Variants in ANKFN1 observed in about 807,000 individuals in gnomAD.
The protein encoded by ANKFN1 is ankyrin repeat and fibronectin type-III domain-containing protein 1.
In ANKFN1, 74 loss-of-function variants were observed where a neutral mutation model predicts 108.7. The ratio of observed to expected loss-of-function variants is 0.68; its 90% confidence interval spans 0.56 to 0.83. The LOEUF is 0.83. Among genes scored for constraint, ANKFN1 ranks in the 40% least tolerant of loss-of-function variants. The probability of loss-of-function intolerance (pLI) is 0.00; values close to 1 mark genes in which losing one functional copy is unlikely to be tolerated. For synonymous variants in ANKFN1, 547 were observed against 516.2 expected (o/e 1.06, Z -0.81); for missense variants, 1,505 against 1,382.3 (o/e 1.09, Z -1.41).
At position 56,446,170 on chromosome 17, in the gene ANKFN1, GC is replaced by G. The variant is rs768444147; in HGVS notation, c.1100-2907del. ...ATCATAAAGTAATCAGATGGAGCTC[GC>G]CTCTGATGTAATAGGGCTGAAAGAG... On this transcript the variant is annotated intron_variant, in intron 10 of 20. Coordinates refer to ENST00000682825, the MANE Select transcript of ANKFN1 (RefSeq NM_001370326.1). Among the ~76,000 whole-genome samples the G allele has an allele frequency of 1.9e-3, 287 of 152,236 alleles. 1 individual carries two copies. Among genetic ancestry groups the G allele is most frequent in the Non-Finnish European group, 2.8e-3 (188 of 68,008 alleles).
chr17:56,088,016 A>G lies in ANKFN1; in HGVS notation c.288+41691A>G, dbSNP rs17212788. On this transcript the variant is annotated intron_variant, in intron 4 of 12. Transcript: ENST00000635860. ...TGTACATTTTACTGAGACTCAATCC[A>G]TTAGGCATAGGCATGAGAGGTTTTA... Among the ~76,000 whole-genome samples, 89 of 151,300 alleles carry G rather than the reference A, an allele frequency of 5.9e-4. 1 individual carries two copies. The East Asian group carries it at 0.017, about 28-fold the overall frequency.
At chr17:56,364,539 C>T (rs2144733522) in intron 6 of ANKFN1, among the ~76,000 whole-genome samples, 1 of 152,326 alleles carries the variant, frequency 6.6e-6, no homozygotes, top group African/African-American at 2.4e-5. Context: ...TATCTTGTTT[C>T]ATTACTTAAA....
intron 2 of ANKFN1, among the ~76,000 whole-genome samples, chr17:56,226,340 A>G (rs368471746): frequency 2.6e-5 from 4 of 152,194 alleles, no homozygotes; most frequent in African/African-American, 9.7e-5. Flanking sequence ...TTACCTGTAT[A>G]AAGAGGAATT....
chr17:56,354,188 T>C, intron 6 of ANKFN1, 142 bp downstream of exon 6: 1 of 762,726 alleles, frequency 1.3e-6, no homozygotes, highest in Non-Finnish European at 2.1e-6. Flanking sequence ...TTCATGGGCT[T>C]TCATGCAAAT....
At chr17:56,294,420 T>C (rs760206371) in intron 3 of ANKFN1, among the ~76,000 whole-genome samples, 9 of 152,338 alleles carry the variant, frequency 5.9e-5, no homozygotes, top group Admixed American at 2.6e-4. Flanking sequence ...ATTCAGGTCA[T>C]TGGACTTTGC....
chr17:56,229,539 T>C (rs1392184144), intron 3 of ANKFN1, among the ~76,000 whole-genome samples: 1 of 151,748 alleles, frequency 6.6e-6, no homozygotes, highest in Non-Finnish European at 1.5e-5. Flanking sequence ...TCGTGAAAAT[T>C]TGATGAAGGG....
chr17:56,196,030 G>A (rs886487932), intron 1 of ANKFN1, among the ~76,000 whole-genome samples: 1 of 152,180 alleles, frequency 6.6e-6, no homozygotes, highest in East Asian at 1.9e-4. Context: ...ACCTTGGAAG[G>A]CTGAGGCAGG....
At position 56,317,587 on chromosome 17, in the gene ANKFN1, C is replaced by A. The variant is rs536885028; in HGVS notation, c.54-8634C>A. 2.6e-5 allele frequency among the ~76,000 whole-genome samples: 4 copies of A among 152,266 alleles called. No individual in the cohort carries two copies. In the East Asian group the frequency reaches 7.7e-4, roughly 29 times the overall value. Reference sequence around the variant, plus strand: ...CTCCAGCAATGCTAGACATAAGAGACCATCAGAAGAGGATGCTCTTTCTTT... The same window carrying A: ...CTCCAGCAATGCTAGACATAAGAGAACATCAGAAGAGGATGCTCTTTCTTT... On this transcript the variant is annotated intron_variant, in intron 3 of 20. Coordinates refer to ENST00000682825, the MANE Select transcript of ANKFN1 (RefSeq NM_001370326.1).
Position 56,291,763 on chromosome 17 carries a change from GAC to G in ANKFN1, c.54-34454_54-34453del, listed in dbSNP as rs1400726016. On this transcript the variant is annotated intron_variant, in intron 3 of 20. Coordinates refer to ENST00000682825, the MANE Select transcript of ANKFN1 (RefSeq NM_001370326.1). ...GAAGCAAGGAAGGGTGACAGCTTCT[GAC>G]ACATGGTTCAGGACATCTGTTGAGC... 2.0e-5 allele frequency among the ~76,000 whole-genome samples: 3 copies of G among 152,164 alleles called. No homozygotes were observed. The East Asian group carries it at 5.8e-4, about 29-fold the overall frequency.
chr17:56,465,034 A>G (rs2050028976), intron 14 of ANKFN1, among the ~76,000 whole-genome samples: 1 of 152,188 alleles, frequency 6.6e-6, no homozygotes, highest in African/African-American at 2.4e-5. Context: ...ATCCCACTAC[A>G]GCAAGAGTAT....
chr17:56,333,194 C>T (rs2045713414), intron 4 of ANKFN1, among the ~76,000 whole-genome samples: 1 of 151,900 alleles, frequency 6.6e-6, no homozygotes, highest in Non-Finnish European at 1.5e-5. Context: ...GGCTAGGATG[C>T]CCAGTACAAT....
intron 4 of ANKFN1, among the ~76,000 whole-genome samples, chr17:56,105,111 G>C (rs1275397476): frequency 6.6e-6 from 1 of 152,180 alleles, no homozygotes; most frequent in Admixed American, 6.5e-5. Flanking sequence ...GGATGGTAAT[G>C]GGTGAGAAGG....
chr17:56,340,269 T>G (rs2045926537), intron 4 of ANKFN1, among the ~76,000 whole-genome samples: 1 of 152,166 alleles, frequency 6.6e-6, no homozygotes, highest in South Asian at 2.1e-4. Context: ...TTTACTGTGT[T>G]GATAGTTTCT....
Position 56,189,170 on chromosome 17 carries a change from C to CATTTTTTTTTTTT in ANKFN1, c.-70-23428_-70-23427insATTTTTTTTTTTT, listed in dbSNP as rs1555607722. ...CCTAAGTAAGTAAATGTTGCCCTGACTTTTTTTTTTTTTTTTTTGAGACGG... is the reference window on the plus strand; with the variant it reads ...CCTAAGTAAGTAAATGTTGCCCTGACATTTTTTTTTTTTTTTTTTTTTTTTTTTTTTGAGACGG... On this transcript the variant is annotated intron_variant, in intron 1 of 20. Transcript: ENST00000682825. Among the ~76,000 whole-genome samples the CATTTTTTTTTTTT allele has an allele frequency of 5.2e-3, 441 of 85,176 alleles. 17 individuals carry two copies. Among genetic ancestry groups the CATTTTTTTTTTTT allele is most frequent in the Admixed American group, 5.7e-3 (36 of 6,348 alleles). 55.9% of individuals were successfully genotyped at this position (85,176 alleles called of 152,430 possible).
intron 3 of ANKFN1, among the ~76,000 whole-genome samples, chr17:56,240,627 C>A (rs1387485447): frequency 6.6e-6 from 1 of 152,034 alleles, no homozygotes; most frequent in African/African-American, 2.4e-5. Flanking sequence ...CTAGGGTTGA[C>A]CAGTTTACAT....
At chr17:56,477,460 CTTT>C (rs373804237) in intron 15 of ANKFN1, 25 bp from the exon 16 acceptor site, 26,481 of 1,296,954 alleles carry the variant, frequency 0.02, no homozygotes, top group South Asian at 0.033. Context: ...TTCTTGTTTT[CTTT>C]TTTTTTTTTT....
chr17:56,120,704 A>G (rs1285296514), intron 4 of ANKFN1, among the ~76,000 whole-genome samples: 1 of 152,224 alleles, frequency 6.6e-6, no homozygotes, highest in East Asian at 1.9e-4. Context: ...CACAACTTCA[A>G]CTGTCTTCTT....
chr17:56,106,805 C>T (rs74344961), intron 4 of ANKFN1, among the ~76,000 whole-genome samples: 2,509 of 152,060 alleles, frequency 0.017, 84 homozygotes, highest in African/African-American at 0.058. Flanking sequence ...CAAGGGAGGG[C>T]GCCTGAGAAT....
chr17:56,375,291 T>C (rs1211821562), intron 8 of ANKFN1, among the ~76,000 whole-genome samples: 2 of 151,994 alleles, frequency 1.3e-5, no homozygotes, highest in Non-Finnish European at 2.9e-5. Flanking sequence ...GGAAAGTAAA[T>C]TCCAAATGGA....
Sources: gnomAD v4.1 joint callset for allele counts (sites outside exome capture counted in the v4.1 genomes callset) on GRCh38, gnomAD v4.1.1 for gene constraint, MANE v1.5 for transcripts, NCBI Gene and HGNC (gene_info 2026-07-23, HGNC 2026-07-21) for gene names.